TMEM8B: variants seen among roughly 807,000 people sequenced by gnomAD.
TMEM8B encodes the protein transmembrane protein 8B.
Under a neutral mutation model 49.3 loss-of-function variants are expected in TMEM8B, and 29 were observed. That is an observed-to-expected ratio of 0.59 (90% CI 0.44 to 0.80). The LOEUF (loss-of-function observed/expected upper bound fraction) is 0.80. Among genes scored for constraint, TMEM8B ranks in the 30% least tolerant of loss-of-function variants. The probability of loss-of-function intolerance (pLI) is 0.00; values close to 1 mark genes in which losing one functional copy is unlikely to be tolerated. For synonymous variants in TMEM8B, 264 were observed against 272.8 expected, an observed-to-expected ratio of 0.97 and a Z score of 0.32; for missense variants, 575 against 658.5, an observed-to-expected ratio of 0.87 and a Z score of 1.39.
intron 1 of TMEM8B, among the ~76,000 whole-genome samples, chr9:35,831,695 C>G (rs1160088768): frequency 6.6e-6 from 1 of 152,222 alleles, no homozygotes; most frequent in African/African-American, 2.4e-5. Flanking sequence ...GGGTGACCGA[C>G]AGCCACAGAG....
At chr9:35,849,918 A>G (rs547028967) in intron 10 of TMEM8B, among the ~76,000 whole-genome samples, 2 of 152,370 alleles carry the variant, frequency 1.3e-5, no homozygotes, top group Non-Finnish European at 2.9e-5. Context: ...TTGTAATTAG[A>G]TCTCAGAAGA....
rs1213086305 is a variant in TMEM8B, at chr9:35,862,010, T to A, written c.*8170T>A. Reference sequence around the variant, plus strand: ...TTGGTCAGTAACTGACCTTTAACTATCATCCATGTGAACATCTACAGTTAG... The same window carrying A: ...TTGGTCAGTAACTGACCTTTAACTAACATCCATGTGAACATCTACAGTTAG... On this transcript the variant is annotated 3_prime_UTR_variant, in exon 13 of 13. Transcript: ENST00000643932. 2 of 152,242 alleles carry A rather than the reference T, an allele frequency of 1.3e-5. No individual in the cohort carries two copies. Among genetic ancestry groups the A allele is most frequent in the East Asian group, 3.8e-4 (2 of 5,200 alleles). The allele number at this position is 152,242 out of a possible 1,614,324, so 9.4% of individuals were successfully genotyped here.
In TMEM8B at chr9:35,841,019, G is replaced by A. The variant is rs1426487369; in HGVS notation, c.907-115G>A. 2.4e-6 allele frequency: 1 copy of A among 411,280 alleles called. No homozygotes were observed. Among genetic ancestry groups the A allele is most frequent in the East Asian group, 3.6e-5 (1 of 28,042 alleles). 25.5% of individuals were successfully genotyped at this position (411,280 alleles called of 1,614,324 possible). ...AGAGAGACCTGGGTTAGAGGCCTGG[G>A]AGTGGTGGCCGGGGCGGGGGTTTCT... On this transcript the variant is annotated intron_variant, in intron 3 of 12. Coordinates refer to ENST00000643932, the MANE Select transcript of TMEM8B (RefSeq NM_001042590.4). The surrounding 1 kb of genome is among the most constrained non-coding windows in gnomAD (Gnocchi z 5.9).
In TMEM8B at chr9:35,853,523, C is replaced by A. The variant is rs766480830; in HGVS notation, c.2458C>A (p.Arg820Ser). 1 of 1,613,522 alleles carries A rather than the reference C, an allele frequency of 6.2e-7. No homozygotes were observed. Among genetic ancestry groups the A allele is most frequent in the Middle Eastern group, 1.7e-4 (1 of 6,058 alleles). Residue 820 changes from arginine (R) to serine (S), a missense_variant, in exon 13 of 13, where the codon CGC (arginine) becomes AGC (serine). Transcript: ENST00000643932. The surrounding 1 kb of genome is among the most constrained non-coding windows in gnomAD (Gnocchi z 4.2). ...ATAWTVRSVR[R>S]RHCYPPTWRR... ...CCCCCAGACAGTACGCAGCGTCCGC[C>A]GCCGGCACTGCTACCCACCCACGTG... is the stretch of plus-strand genomic sequence containing the variant.
chr9:35,833,729 C>T (rs1223555570), intron 1 of TMEM8B, among the ~76,000 whole-genome samples: 3 of 152,144 alleles, frequency 2.0e-5, no homozygotes, highest in East Asian at 1.9e-4. Flanking sequence ...GCATTCTGAC[C>T]TGGGAGGCCT....
chr9:35,835,500 G>A, intron 3 of TMEM8B: 1 of 317,628 alleles, frequency 3.1e-6, no homozygotes. Context: ...GGGGAGTAGT[G>A]CCGCCTCCTA....
Position 35,855,399 on chromosome 9 carries a change from C to CTTT in TMEM8B, c.*1568_*1570dup. Reference sequence around the variant, plus strand: ...CCTTACTTAATGTTTTCTCCTGAATCTTTTTTTTTTTGAGACGGAGTTTTG... The same window carrying CTTT: ...CCTTACTTAATGTTTTCTCCTGAATCTTTTTTTTTTTTTTGAGACGGAGTTTTG... On this transcript the variant is annotated 3_prime_UTR_variant, in exon 13 of 13. Coordinates refer to ENST00000643932, the MANE Select transcript of TMEM8B (RefSeq NM_001042590.4). The CTTT allele has an allele frequency of 6.8e-6, 1 of 147,210 alleles. No individual in the cohort carries two copies. The highest frequency in any genetic ancestry group is 1.5e-5 in the Non-Finnish European group (1 of 66,288). 9.1% of individuals were successfully genotyped at this position (147,210 alleles called of 1,614,324 possible).
chr9:35,833,373 A>G (rs1323952042), intron 1 of TMEM8B: 4 of 985,130 alleles, frequency 4.1e-6, no homozygotes, highest in African/African-American at 1.7e-5. Context: ...GCTGGTCCGA[A>G]GTCTCCAGAG....
chr9:35,831,216 GTGT>G (rs968663934), intron 1 of TMEM8B, among the ~76,000 whole-genome samples: 9 of 152,294 alleles, frequency 5.9e-5, no homozygotes, highest in South Asian at 2.1e-4. Context: ...ACATGCTTGT[GTGT>G]TGTTAAGTGT....
At chr9:35,845,473 T>C in intron 6 of TMEM8B, 1 of 985,480 alleles carries the variant, frequency 1.0e-6, no homozygotes, top group Non-Finnish European at 1.2e-6. Context: ...CCAGCCAGGT[T>C]GCTACATTTA....
At chr9:35,834,875 A>C (rs1334367882) in intron 2 of TMEM8B, 136 bp from the exon 3 acceptor site, 7 of 413,512 alleles carry the variant, frequency 1.7e-5, no homozygotes, top group Non-Finnish European at 3.1e-5. Context: ...ACCTGGAACC[A>C]CTTTGTTGAA....
At chr9:35,850,263 T>C (rs2132380132) in intron 10 of TMEM8B, among the ~76,000 whole-genome samples, 1 of 152,306 alleles carries the variant, frequency 6.6e-6, no homozygotes, top group South Asian at 2.1e-4. Context: ...AAAAAAAACC[T>C]TGCAGGATAA....
chr9:35,852,692 C>A, intron 10 of TMEM8B, 135 bp from the exon 11 acceptor site: 1 of 1,034,508 alleles, frequency 9.7e-7, no homozygotes, highest in Non-Finnish European at 1.4e-6. Flanking sequence ...CAGGCATTTC[C>A]CAGATCTTCT....
At chr9:35,832,195 G>GTGTGTA (rs1056560329) in intron 1 of TMEM8B, among the ~76,000 whole-genome samples, 2 of 138,382 alleles carry the variant, frequency 1.4e-5, no homozygotes, top group Non-Finnish European at 3.2e-5. Flanking sequence ...GTGTGTGTGT[G>GTGTGTA]TGTGTATGTG....
chr9:35,846,069 G>C lies in TMEM8B; in HGVS notation c.1729+1G>C. The C allele has an allele frequency of 1.2e-6, 2 of 1,613,932 alleles. No individual in the cohort carries two copies. Among genetic ancestry groups the C allele is most frequent in the Non-Finnish European group, 1.7e-6 (2 of 1,179,986 alleles). On this transcript the variant is annotated splice_donor_variant, in intron 7 of 12. Transcript: ENST00000643932. LOFTEE classifies it high-confidence loss of function. Reference sequence around the variant, plus strand: ...GATGCAGCAGTGACCTGTTCCAAAGGTGAGGTGAGGAATGGGGGAGGAGAG... The same window carrying C: ...GATGCAGCAGTGACCTGTTCCAAAGCTGAGGTGAGGAATGGGGGAGGAGAG...
At chr9:35,850,304 A>G (rs1197554550) in intron 10 of TMEM8B, among the ~76,000 whole-genome samples, 2 of 152,246 alleles carry the variant, frequency 1.3e-5, no homozygotes, top group Non-Finnish European at 2.9e-5. Context: ...AATAATGGCC[A>G]AAGCTGAGAA....
intron 1 of TMEM8B, chr9:35,833,279 T>C: frequency 1.0e-6 from 1 of 984,712 alleles, no homozygotes; most frequent in Non-Finnish European, 1.2e-6. Context: ...GTAGTCCTTA[T>C]TCCAGCCCCG....
At chr9:35,833,068 T>C (rs1830074449) in intron 1 of TMEM8B, among the ~76,000 whole-genome samples, 1 of 152,164 alleles carries the variant, frequency 6.6e-6, no homozygotes, top group Non-Finnish European at 1.5e-5. Flanking sequence ...GGCCCCCACC[T>C]ATGTAGGGCA....
Position 35,854,055 on chromosome 9 carries a change from A to T in TMEM8B, c.*215A>T. 1 of 1,284,526 alleles carries T rather than the reference A, an allele frequency of 7.8e-7. No homozygotes were observed. Among genetic ancestry groups the T allele is most frequent in the Non-Finnish European group, 9.8e-7 (1 of 1,019,652 alleles). 79.6% of individuals were successfully genotyped at this position (1,284,526 alleles called of 1,614,324 possible). Reference sequence around the variant, plus strand: ...CCCCCTGCATCATGGAGTCCTTCTTAAGGACTGGAGCCTATGCAGGCACAG... The same window carrying T: ...CCCCCTGCATCATGGAGTCCTTCTTTAGGACTGGAGCCTATGCAGGCACAG... On this transcript the variant is annotated 3_prime_UTR_variant, in exon 13 of 13. Coordinates refer to ENST00000643932, the MANE Select transcript of TMEM8B (RefSeq NM_001042590.4).
Sources: allele counts gnomAD v4.1 joint callset (sites outside exome capture counted in the v4.1 genomes callset), GRCh38; gene constraint gnomAD v4.1.1; non-coding constraint Gnocchi (gnomAD v3.1); transcripts MANE v1.5; gene names NCBI Gene and HGNC (gene_info 2026-07-23, HGNC 2026-07-21).